The following FMNL2 variants were observed in gnomAD, a reference collection of about 807,000 sequenced individuals.
FMNL2 encodes the protein formin-like protein 2.
Under a neutral mutation model 130.2 loss-of-function variants are expected in FMNL2, and 51 were observed. The ratio of observed to expected loss-of-function variants is 0.39; its 90% confidence interval spans 0.31 to 0.49. FMNL2 has a LOEUF of 0.49. Ranked by LOEUF, FMNL2 falls within the 20% of genes least tolerant of loss-of-function variation. The pLI is 0.85. For missense variants in FMNL2, 977 were observed against 1,316.2 expected (o/e 0.74, Z 3.99); for synonymous variants, 465 against 467.1 (o/e 1.00, Z 0.06).
At chr2:152,412,486 AT>A (rs1202114505) in intron 1 of FMNL2, among the ~76,000 whole-genome samples, 1 of 97,350 alleles carries the variant, frequency 1.0e-5, no homozygotes, top group African/African-American at 4.7e-5. Flanking sequence ...ATATATATAT[AT>A]ATATATATAT....
chr2:152,518,603 C>T (rs540743016), intron 1 of FMNL2, among the ~76,000 whole-genome samples: 8 of 152,232 alleles, frequency 5.3e-5, no homozygotes, highest in South Asian at 4.1e-4. Flanking sequence ...CCTTTTGTTA[C>T]GTGCCCCTCT....
intron 1 of FMNL2, among the ~76,000 whole-genome samples, chr2:152,394,407 T>TGG (rs1043056818): frequency 6.6e-6 from 1 of 152,146 alleles, no homozygotes; most frequent in Admixed American, 6.6e-5. Flanking sequence ...AACTGTGCTT[T>TGG]GGGTACCTTT....
intron 1 of FMNL2, among the ~76,000 whole-genome samples, chr2:152,509,512 A>G (rs1299747281): frequency 3.3e-5 from 5 of 152,050 alleles, no homozygotes; most frequent in African/African-American, 9.7e-5. Context: ...CATTGGATAA[A>G]AAGTGTACAC....
At chr2:152,564,543 G>A (rs1326247281) in intron 6 of FMNL2, among the ~76,000 whole-genome samples, 1 of 152,118 alleles carries the variant, frequency 6.6e-6, no homozygotes, top group Non-Finnish European at 1.5e-5. Flanking sequence ...CCAACATGGT[G>A]AAACTCTGTC....
intron 1 of FMNL2, among the ~76,000 whole-genome samples, chr2:152,387,668 G>A (rs771652196): frequency 2.6e-5 from 4 of 151,640 alleles, no homozygotes; most frequent in Admixed American, 6.6e-5. Context: ...TTTTTGGTGG[G>A]AATTGGAGTT....
intron 1 of FMNL2, among the ~76,000 whole-genome samples, chr2:152,488,099 G>T (rs185841772): frequency 1.3e-5 from 2 of 152,170 alleles, no homozygotes; most frequent in Non-Finnish European, 2.9e-5. Context: ...ATTTCCTTTA[G>T]AAATTATTTT....
At chr2:152,383,483 C>G (rs1169679537) in intron 1 of FMNL2, among the ~76,000 whole-genome samples, 1 of 151,812 alleles carries the variant, frequency 6.6e-6, no homozygotes, top group African/African-American at 2.4e-5. Flanking sequence ...GTCTGTAGTC[C>G]TAGCTACTAG....
intron 1 of FMNL2, among the ~76,000 whole-genome samples, chr2:152,511,489 A>G (rs746458170): frequency 6.6e-6 from 1 of 152,194 alleles, no homozygotes; most frequent in Non-Finnish European, 1.5e-5. Context: ...TATAATTTTG[A>G]TCATGGTTAT....
chr2:152,481,493 TA>T (rs1401502482), intron 1 of FMNL2, among the ~76,000 whole-genome samples: 1 of 152,214 alleles, frequency 6.6e-6, no homozygotes, highest in Admixed American at 6.5e-5. Flanking sequence ...TGGGGAGCTT[TA>T]AAAAATAGTG....
At chr2:152,464,470 C>A (rs1171634422) in intron 1 of FMNL2, among the ~76,000 whole-genome samples, 1 of 152,168 alleles carries the variant, frequency 6.6e-6, no homozygotes, top group Non-Finnish European at 1.5e-5. Context: ...CAGGAATGTA[C>A]CCCCCTGATG....
At chr2:152,472,436 T>C (rs541802293) in intron 1 of FMNL2, among the ~76,000 whole-genome samples, 1 of 152,298 alleles carries the variant, frequency 6.6e-6, no homozygotes, top group African/African-American at 2.4e-5. Flanking sequence ...TCATTTTATT[T>C]ACAAAGCCTG....
intron 9 of FMNL2, among the ~76,000 whole-genome samples, chr2:152,586,597 G>C (rs918523205): frequency 6.6e-6 from 1 of 152,118 alleles, no homozygotes; most frequent in African/African-American, 2.4e-5. Context: ...ACATTTTTCA[G>C]TCTCTCATTG....
chr2:152,490,277 G>C (rs573035935), intron 1 of FMNL2, among the ~76,000 whole-genome samples: 34 of 151,946 alleles, frequency 2.2e-4, no homozygotes, highest in African/African-American at 3.1e-4. Flanking sequence ...AGAGTGGTTG[G>C]GGGGAGTGGG....
intron 8 of FMNL2, among the ~76,000 whole-genome samples, chr2:152,579,492 G>T (rs897094214): frequency 6.6e-6 from 1 of 152,146 alleles, no homozygotes; most frequent in Non-Finnish European, 1.5e-5. Flanking sequence ...GAGGTCAGGA[G>T]TTGCGACCAG....
At chr2:152,347,019 A>AGG (rs1682162409) in intron 1 of FMNL2, among the ~76,000 whole-genome samples, 1 of 152,082 alleles carries the variant, frequency 6.6e-6, no homozygotes, top group African/African-American at 2.4e-5. Flanking sequence ...TGAACCTGGG[A>AGG]AGCGGAGGTT....
At chr2:152,338,853 A>ACACACACACACACACG (rs1681638919) in intron 1 of FMNL2, among the ~76,000 whole-genome samples, 1 of 151,058 alleles carries the variant, frequency 6.6e-6, no homozygotes, top group Non-Finnish European at 1.5e-5. Context: ...ACACACACAC[A>ACACACACACACACACG]TATATGCATA....
intron 21 of FMNL2, among the ~76,000 whole-genome samples, chr2:152,635,657 G>C (rs1682534527): frequency 6.6e-6 from 1 of 152,198 alleles, no homozygotes; most frequent in Admixed American, 6.5e-5. Flanking sequence ...TCAGGCAAGG[G>C]GGCCCAGAGC....
intron 1 of FMNL2, among the ~76,000 whole-genome samples, chr2:152,353,436 C>A (rs1397831299): frequency 6.6e-6 from 1 of 152,194 alleles, no homozygotes; most frequent in Admixed American, 6.5e-5. Flanking sequence ...AGGCAGTCGA[C>A]TCTAAGCCTT....
At chr2:152,347,644 C>T (rs1301801090) in intron 1 of FMNL2, among the ~76,000 whole-genome samples, 1 of 152,134 alleles carries the variant, frequency 6.6e-6, no homozygotes. Context: ...AGTGTAAGTT[C>T]TGACCTTTAG....
Sources: gnomAD v4.1 joint callset for allele counts (sites outside exome capture counted in the v4.1 genomes callset) on GRCh38, gnomAD v4.1.1 for gene constraint, MANE v1.5 for transcripts, NCBI Gene and HGNC (gene_info 2026-07-23, HGNC 2026-07-21) for gene names.